SLC26A4: variants seen among roughly 807,000 people sequenced by gnomAD.
SLC26A4 encodes pendrin.
In SLC26A4, 93 loss-of-function variants were observed where a neutral mutation model predicts 90.4. That is an observed-to-expected ratio of 1.03 (90% CI 0.87 to 1.22). SLC26A4 has a LOEUF of 1.22. Ranked by LOEUF, SLC26A4 falls within the 50% of genes most tolerant of loss-of-function variation. The pLI is 0.00. For missense variants in SLC26A4, 1,127 were observed against 946.2 expected (o/e 1.19, Z -2.51); for synonymous variants, 393 against 354.6 (o/e 1.11, Z -1.22).
At chr7:107,674,901 T>G in intron 5 of SLC26A4, 44 bp from the exon 6 acceptor site, 15 of 1,585,076 alleles carry the variant, frequency 9.5e-6, no homozygotes, top group Non-Finnish European at 1.3e-5. Context: ...TAGGTTTCTA[T>G]CTCAGGCAAA....
In SLC26A4 at chr7:107,680,015, T is replaced by C. The variant is rs564550352; in HGVS notation, c.766-3187T>C. ...AATATAATCTTATCTTATTATATAA[T>C]ATAATCTTATTATATAATATAATCT... On this transcript the variant is annotated intron_variant, in intron 6 of 20. Coordinates refer to ENST00000644269, the MANE Select transcript of SLC26A4 (RefSeq NM_000441.2). 8.7e-3 allele frequency among the ~76,000 whole-genome samples: 1,164 copies of C among 133,766 alleles called. 11 individuals carry two copies. Among genetic ancestry groups the C allele is most frequent in the South Asian group, 0.037 (164 of 4,386 alleles). The allele number at this position is 133,766 out of a possible 152,430, so 87.8% of individuals were successfully genotyped here.
intron 8 of SLC26A4, among the ~76,000 whole-genome samples, chr7:107,687,410 G>C (rs148112887): frequency 1.1e-3 from 166 of 152,294 alleles, no homozygotes; most frequent in African/African-American, 3.7e-3. Flanking sequence ...TGAGTGGCAG[G>C]AGTATGACAG....
Position 107,708,927 on chromosome 7 carries a change from G to A in SLC26A4, c.2090-1127G>A, listed in dbSNP as rs543167158. 2.0e-5 allele frequency among the ~76,000 whole-genome samples: 3 copies of A among 152,268 alleles called. No homozygotes were observed. The South Asian group carries it at 6.2e-4, about 32-fold the overall frequency. ...CTCTCAAGGGTGTGAGTCTCTGTGTGTTTCTTTATGAATGTATGTGTGTAG... is the reference window on the plus strand; with the variant it reads ...CTCTCAAGGGTGTGAGTCTCTGTGTATTTCTTTATGAATGTATGTGTGTAG... On this transcript the variant is annotated intron_variant, in intron 18 of 20. Transcript: ENST00000644269.
At chr7:107,692,379 C>A (rs993418162) in intron 10 of SLC26A4, among the ~76,000 whole-genome samples, 1 of 152,142 alleles carries the variant, frequency 6.6e-6, no homozygotes, top group Non-Finnish European at 1.5e-5. Context: ...TATGTTGGAA[C>A]TTCAGTTTCA....
At chr7:107,695,904 A>C in intron 12 of SLC26A4, 29 bp from the exon 13 acceptor site, 2 of 1,083,754 alleles carry the variant, frequency 1.8e-6, no homozygotes, top group Non-Finnish European at 2.9e-6. Flanking sequence ...CATTAATATA[A>C]TTCTTTTCAT....
Position 107,716,341 on chromosome 7 carries a change from C to T in SLC26A4, c.*895C>T, listed in dbSNP as rs2129321138. 1 of 151,916 alleles carries T rather than the reference C, an allele frequency of 6.6e-6. No individual in the cohort carries two copies. Among genetic ancestry groups the T allele is most frequent in the Admixed American group, 6.5e-5 (1 of 15,274 alleles). 9.4% of individuals were successfully genotyped at this position (151,916 alleles called of 1,614,324 possible). A position where few individuals can be genotyped will look rare whatever the true frequency, so the allele number is the denominator to read the frequency against. ...AAATTTTTTTGATGTGCTTACATAA[C>T]CATGGTGATTAAAATGAGTTTATAT... On this transcript the variant is annotated 3_prime_UTR_variant, in exon 21 of 21. Transcript: ENST00000644269.
At chr7:107,688,995 T>C (rs1264101190) in intron 8 of SLC26A4, 58 bp from the exon 9 acceptor site, 4 of 1,586,950 alleles carry the variant, frequency 2.5e-6, no homozygotes, top group South Asian at 1.1e-5. Context: ...TTTGATGAGA[T>C]GGGGAAAAAG....
rs181151579 is a variant in SLC26A4, at chr7:107,698,539, A to G, written c.1614+428A>G. Among the ~76,000 whole-genome samples the G allele has an allele frequency of 5.3e-3, 807 of 151,882 alleles. 7 individuals carry two copies. Among genetic ancestry groups the G allele is most frequent in the African/African-American group, 0.018 (744 of 41,404 alleles). On this transcript the variant is annotated intron_variant, in intron 14 of 20. Transcript: ENST00000644269. ...ACCATGTTGCCCAGGCTGGTCTCAA[A>G]CTCCTGAGCTCAAGTGATTTGCCCG...
intron 19 of SLC26A4, among the ~76,000 whole-genome samples, chr7:107,710,693 G>T (rs1272359183): frequency 6.6e-6 from 1 of 152,166 alleles, no homozygotes; most frequent in Non-Finnish European, 1.5e-5. Flanking sequence ...AATAGAATAG[G>T]CCCTGATGGG....
intron 3 of SLC26A4, among the ~76,000 whole-genome samples, chr7:107,663,785 G>A (rs1243966369): frequency 6.6e-6 from 1 of 151,974 alleles, no homozygotes; most frequent in Non-Finnish European, 1.5e-5. Context: ...CCGGGTTCAC[G>A]CCATTCTCCC....
chr7:107,670,080 A>G (rs1790822143), intron 3 of SLC26A4, among the ~76,000 whole-genome samples: 2 of 151,000 alleles, frequency 1.3e-5, no homozygotes, highest in South Asian at 4.2e-4. Flanking sequence ...GTATATGTAA[A>G]TTACTTCATA....
Position 107,716,959 on chromosome 7 carries a change from T to C in SLC26A4, c.*1513T>C, listed in dbSNP as rs981570991. On this transcript the variant is annotated 3_prime_UTR_variant, in exon 21 of 21. Coordinates refer to ENST00000644269, the MANE Select transcript of SLC26A4 (RefSeq NM_000441.2). ...ATTAATGATCATACAAATGGGTTAATCCTGAATTCTGGTTGTAAATCTGGT... is the reference window on the plus strand; with the variant it reads ...ATTAATGATCATACAAATGGGTTAACCCTGAATTCTGGTTGTAAATCTGGT... 6.6e-6 allele frequency: 1 copy of C among 152,240 alleles called. No homozygotes were observed. The highest frequency in any genetic ancestry group is 1.5e-5 in the Non-Finnish European group (1 of 68,044). The allele number at this position is 152,240 out of a possible 1,614,324, so 9.4% of individuals were successfully genotyped here.
At chr7:107,701,291 C>A (rs1001807079) in intron 16 of SLC26A4, 95 bp downstream of exon 16, 17 of 793,004 alleles carry the variant, frequency 2.1e-5, no homozygotes, top group Non-Finnish European at 3.1e-5. Context: ...TCTTTAGTAT[C>A]CAGATGTGAA....
intron 14 of SLC26A4, 50 bp from the exon 15 acceptor site, chr7:107,700,033 T>C: frequency 1.9e-6 from 2 of 1,073,758 alleles, no homozygotes; most frequent in African/African-American, 3.1e-5. Context: ...TGTAATTAAA[T>C]ACTTGAGGCT....
At position 107,689,166 on chromosome 7, in the gene SLC26A4, C is replaced by A; in HGVS notation, c.1115C>A (p.Ala372Asp). The A allele has an allele frequency of 6.2e-7, 1 of 1,613,706 alleles. No individual in the cohort carries two copies. The highest frequency in any genetic ancestry group is 8.5e-7 in the Non-Finnish European group (1 of 1,179,768). Reference protein sequence around the residue: ...AIAVSVGKVYATKYDYTIDGN... With the variant: ...AIAVSVGKVYDTKYDYTIDGN... ...GCAGTGTCAGTAGGAAAAGTATATG[C>A]CACCAAGTATGATTACACCATCGAT... Residue 372 changes from alanine to aspartate, a missense_variant, in exon 9 of 21, where the codon GCC becomes GAC. Transcript: ENST00000644269.
At chr7:107,702,277 A>G (rs1384580814) in intron 17 of SLC26A4, among the ~76,000 whole-genome samples, 7 of 152,218 alleles carry the variant, frequency 4.6e-5, no homozygotes, top group Non-Finnish European at 8.8e-5. Flanking sequence ...ACCCTGGGCA[A>G]GTTGCTTAAT....
intron 6 of SLC26A4, among the ~76,000 whole-genome samples, chr7:107,677,554 G>A (rs193160661): frequency 3.6e-4 from 54 of 151,916 alleles, no homozygotes; most frequent in South Asian, 2.1e-3. Flanking sequence ...CATTATATGG[G>A]TCATTCTTGA....
Position 107,715,504 on chromosome 7 carries a change from A to G in SLC26A4, c.*58A>G. 8.0e-7 allele frequency: 1 copy of G among 1,257,560 alleles called. No individual in the cohort carries two copies. The highest frequency in any genetic ancestry group is 1.2e-6 in the Non-Finnish European group (1 of 854,166). The allele number at this position is 1,257,560 out of a possible 1,614,324, so 77.9% of individuals were successfully genotyped here. On this transcript the variant is annotated 3_prime_UTR_variant, in exon 21 of 21. Transcript: ENST00000644269. ...ATACAAGACAAAACTTCCTCAATGCATTGACTATTTCTTCAGACTCAAAAC... is the reference window on the plus strand; with the variant it reads ...ATACAAGACAAAACTTCCTCAATGCGTTGACTATTTCTTCAGACTCAAAAC...
intron 6 of SLC26A4, among the ~76,000 whole-genome samples, chr7:107,680,635 C>A (rs1034762948): frequency 1.3e-5 from 2 of 151,750 alleles, no homozygotes; most frequent in African/African-American, 4.8e-5. Flanking sequence ...AACTTATTTA[C>A]ATACTCAGAT....
Sources: allele counts gnomAD v4.1 joint callset (sites outside exome capture counted in the v4.1 genomes callset), GRCh38; gene constraint gnomAD v4.1.1; transcripts MANE v1.5; gene names NCBI Gene and HGNC (gene_info 2026-07-23, HGNC 2026-07-21).